The following ANO5 variants were observed in gnomAD, a reference collection of about 807,000 sequenced individuals.
The protein encoded by ANO5 is anoctamin-5.
In ANO5, 109 loss-of-function variants were observed where a neutral mutation model predicts 121.0. The observed-to-expected ratio is 0.90, with a 90% CI of 0.77 to 1.06. ANO5 has a LOEUF of 1.06. Ranked by LOEUF, ANO5 falls within the 50% of genes least tolerant of loss-of-function variation. ANO5 has a pLI of 0.00. For missense variants in ANO5, 1,064 were observed against 1,078.5 expected, an observed-to-expected ratio of 0.99 and a Z score of 0.19; for synonymous variants, 406 against 359.9, an observed-to-expected ratio of 1.13 and a Z score of -1.45.
chr11:22,210,995 T>C (rs1397263567), intron 2 of ANO5, among the ~76,000 whole-genome samples: 1 of 151,926 alleles, frequency 6.6e-6, no homozygotes, highest in African/African-American at 2.4e-5. Flanking sequence ...TCCCAAATAC[T>C]AATTCTCTCT....
rs967918360 is a variant in ANO5, at chr11:22,281,920, T to C, written c.*2155T>C. The C allele has an allele frequency of 6.6e-6, 1 of 152,170 alleles. No individual in the cohort carries two copies. Among genetic ancestry groups the C allele is most frequent in the African/African-American group, 2.4e-5 (1 of 41,462 alleles). The allele number at this position is 152,170 out of a possible 1,614,324, so 9.4% of individuals were successfully genotyped here. A position where few individuals can be genotyped will look rare whatever the true frequency, so the allele number is the denominator to read the frequency against. On this transcript the variant is annotated 3_prime_UTR_variant, in exon 22 of 22. Transcript: ENST00000324559. ...TTCCTTTTAAAATGTTATGGACTGA[T>C]ATTTTTTATTCACCTTTAAATTTCT...
intron 17 of ANO5, among the ~76,000 whole-genome samples, chr11:22,269,943 T>C (rs1167899772): frequency 2.0e-5 from 3 of 152,214 alleles, no homozygotes; most frequent in African/African-American, 4.8e-5. Flanking sequence ...TTATAGTCAA[T>C]TTCATATTTG....
At chr11:22,212,309 G>A (rs973968173) in intron 3 of ANO5, among the ~76,000 whole-genome samples, 5 of 151,780 alleles carry the variant, frequency 3.3e-5, no homozygotes, top group African/African-American at 9.7e-5. Flanking sequence ...GAAACAAAGT[G>A]TTTTCAGAGA....
At chr11:22,228,788 C>A (rs1449503287) in intron 7 of ANO5, among the ~76,000 whole-genome samples, 1 of 151,966 alleles carries the variant, frequency 6.6e-6, no homozygotes, top group Non-Finnish European at 1.5e-5. Flanking sequence ...CATATTGTCA[C>A]AAATGACAAC....
intron 19 of ANO5, 119 bp downstream of exon 19, chr11:22,273,108 C>T (rs1275142965): frequency 1.8e-5 from 20 of 1,125,884 alleles, no homozygotes; most frequent in Non-Finnish European, 2.5e-5. Context: ...AAAGCTAAAA[C>T]ATTCCGAAAT....
In ANO5 at chr11:22,234,134, C is replaced by T. The variant is rs150698948; in HGVS notation, c.649-2029C>T. On this transcript the variant is annotated intron_variant, in intron 7 of 21. Transcript: ENST00000324559. ...ACACCCATTGATTGGAAAATTTGCT[C>T]AACTATAATTTTTCAGTCAGAATGG... 4.9e-3 allele frequency among the ~76,000 whole-genome samples: 748 copies of T among 152,202 alleles called. 5 individuals are homozygous for T. Among genetic ancestry groups the T allele is most frequent in the Middle Eastern group, 0.024 (7 of 294 alleles).
chr11:22,278,693 A>C (rs1213678672), intron 21 of ANO5, among the ~76,000 whole-genome samples: 1 of 151,558 alleles, frequency 6.6e-6, no homozygotes, highest in Non-Finnish European at 1.5e-5. Context: ...TAGTGAGCTG[A>C]TATTTTCACT....
intron 1 of ANO5, among the ~76,000 whole-genome samples, chr11:22,200,298 TAGTC>T (rs1176792546): frequency 7.9e-5 from 12 of 152,144 alleles, no homozygotes; most frequent in African/African-American, 1.9e-4. Flanking sequence ...ATCTGACAAA[TAGTC>T]AGGTCTGTAT....
rs372674175 is a variant in ANO5 at position 22,270,334 on chromosome 11, C to T, written c.1921C>T (p.Arg641Cys). 13 of 1,613,962 alleles carry T rather than the reference C, an allele frequency of 8.1e-6. No individual in the cohort carries two copies. The highest frequency in any genetic ancestry group is 1.6e-4 in the Middle Eastern group (1 of 6,084). ...CAGCTTGGCTTTGAATTGGTGGAGA[C>T]GCCGAAAAGCTCGGACAAACTCTGA... ...IYPLALNWWRRRKARTNSEKL... is the reference protein window; with the variant it reads ...IYPLALNWWRCRKARTNSEKL... The change falls in exon 18 of 22, where the codon CGC becomes TGC. Residue 641 changes from arginine to cysteine, a missense_variant. Arg to Cys is a radical substitution (Grantham distance 180). Transcript: ENST00000324559.
At position 22,280,650 on chromosome 11, in the gene ANO5, G is replaced by T. The variant is rs1169005045; in HGVS notation, c.*885G>T. 6.6e-6 allele frequency: 1 copy of T among 151,878 alleles called. No homozygotes were observed. Among genetic ancestry groups the T allele is most frequent in the Non-Finnish European group, 1.5e-5 (1 of 67,822 alleles). 9.4% of individuals were successfully genotyped at this position (151,878 alleles called of 1,614,324 possible). On this transcript the variant is annotated 3_prime_UTR_variant, in exon 22 of 22. Coordinates refer to ENST00000324559, the MANE Select transcript of ANO5 (RefSeq NM_213599.3). Reference sequence around the variant, plus strand: ...TTTCTTAAAAATCACTTTTCTTCTGGAATGCCAATTTCACATCATGAAGCC... The same window carrying T: ...TTTCTTAAAAATCACTTTTCTTCTGTAATGCCAATTTCACATCATGAAGCC...
rs186064986 is a variant in ANO5 at position 22,246,779 on chromosome 11, C to T, written c.879-3458C>T. Among the ~76,000 whole-genome samples, 801 of 145,470 alleles carry T rather than the reference C, an allele frequency of 5.5e-3. 25 individuals are homozygous for T. The highest frequency in any genetic ancestry group is 0.012 in the East Asian group (60 of 4,892). On this transcript the variant is annotated intron_variant, in intron 9 of 21. Transcript: ENST00000324559. ...GCTGAGGCAGGAGAATTGCTTGAAC[C>T]TGGGAAACAGAGGTTGCGATGAGCC...
In ANO5 at chr11:22,282,548, A is replaced by G. The variant is rs944669192; in HGVS notation, c.*2783A>G. ...TGAGAAAGAAGAGGAGTGAGGAAAC[A>G]GTTATTTCCTTATGAATCCTGTGTG... is the stretch of plus-strand genomic sequence containing the variant. On this transcript the variant is annotated 3_prime_UTR_variant, in exon 22 of 22. Transcript: ENST00000324559. 3 of 152,204 alleles carry G rather than the reference A, an allele frequency of 2.0e-5. No individual in the cohort carries two copies. The highest frequency in any genetic ancestry group is 7.2e-5 in the African/African-American group (3 of 41,456). 9.4% of individuals were successfully genotyped at this position (152,204 alleles called of 1,614,324 possible).
chr11:22,259,631 T>G lies in ANO5; in HGVS notation c.1520T>G (p.Phe507Cys). 6.2e-7 allele frequency: 1 copy of G among 1,614,078 alleles called. No individual in the cohort carries two copies. The highest frequency in any genetic ancestry group is 8.5e-7 in the Non-Finnish European group (1 of 1,179,962). ...GCATCCTTAAAGCAGGTCAAAAGCT[T>G]CCTTACTCCTCAGATAACCACATCA... ...SDASLKQVKS[F>C]LTPQITTSLT... The change falls in exon 15 of 22, where the codon TTC (phenylalanine) becomes TGC (cysteine). Residue 507 changes from phenylalanine (F) to cysteine (C), a missense_variant. Transcript: ENST00000324559.
At chr11:22,207,286 T>G (rs1043086274) in intron 2 of ANO5, among the ~76,000 whole-genome samples, 3 of 152,142 alleles carry the variant, frequency 2.0e-5, no homozygotes, top group African/African-American at 7.2e-5. Flanking sequence ...TATGTTATTT[T>G]AAGACTTGTT....
At chr11:22,275,792 GA>G (rs1854817722) in intron 20 of ANO5, among the ~76,000 whole-genome samples, 2 of 151,988 alleles carry the variant, frequency 1.3e-5, no homozygotes, top group South Asian at 4.1e-4. Flanking sequence ...AAGGAAGTGG[GA>G]AAAGAGGAAG....
chr11:22,239,597 C>G lies in ANO5; in HGVS notation c.791C>G (p.Pro264Arg). The G allele has an allele frequency of 1.2e-6, 2 of 1,612,778 alleles. No homozygotes were observed. The highest frequency in any genetic ancestry group is 1.7e-6 in the Non-Finnish European group (2 of 1,179,060). The change falls in exon 9 of 22, where the codon CCC becomes CGC. Residue 264 changes from proline (P) to arginine (R), a missense_variant. Pro to Arg is a moderately radical substitution (Grantham distance 103, BLOSUM62 -2). Transcript: ENST00000324559. ...DGQYWKPSEP[P>R]NPTNERYTLH... The stretch of plus-strand genomic sequence containing the variant: ...CAATATTGGAAGCCATCAGAACCTC[C>G]CAATCCTACCAATGAAAGATACACA...
intron 17 of ANO5, among the ~76,000 whole-genome samples, chr11:22,263,673 G>A (rs988020718): frequency 1.2e-4 from 18 of 152,152 alleles, no homozygotes; most frequent in African/African-American, 3.1e-4. Context: ...TTATAAAATC[G>A]TAAGTCTACG....
At chr11:22,210,371 T>C (rs75329793) in intron 2 of ANO5, among the ~76,000 whole-genome samples, 9,188 of 151,990 alleles carry the variant, frequency 0.06, 921 homozygotes, top group African/African-American at 0.21. Context: ...ATTTCCAAGG[T>C]GCTCTTTGAG....
chr11:22,196,997 T>C (rs1851832722), intron 1 of ANO5, among the ~76,000 whole-genome samples: 1 of 152,244 alleles, frequency 6.6e-6, no homozygotes, highest in African/African-American at 2.4e-5. Flanking sequence ...CATTTCTATG[T>C]TTTAAAATAT....
Sources: allele counts gnomAD v4.1 joint callset (sites outside exome capture counted in the v4.1 genomes callset), GRCh38; gene constraint gnomAD v4.1.1; transcripts MANE v1.5; gene names NCBI Gene and HGNC (gene_info 2026-07-23, HGNC 2026-07-21).